DRC11: variants seen among roughly 807,000 people sequenced by gnomAD.
DRC11 encodes IQ and AAA domain-containing protein 1.
At chr2:236,401,083 C>A in the DRC11 span, among the ~76,000 whole-genome samples, 1 of 152,006 alleles carries the variant, frequency 6.6e-6, no homozygotes. This position sits in a 1 kb window ranked among gnomAD's most constrained non-coding sequence, Gnocchi z 4.6. Flanking sequence ...TCCTGGGAGG[C>A]ACCGTTCCCC....
the DRC11 span, chr2:236,392,428 G>A: frequency 0.048 from 35,436 of 732,262 alleles, 1,412 homozygotes; most frequent in African/African-American, 0.16. This position sits in a 1 kb window ranked among gnomAD's most constrained non-coding sequence, Gnocchi z 5.1. Context: ...TTAAAAAGAC[G>A]TAGGTTAATT....
chr2:236,366,833 T>A, the DRC11 span, among the ~76,000 whole-genome samples: 1 of 116,202 alleles, frequency 8.6e-6, no homozygotes, highest in Non-Finnish European at 2.0e-5. Context: ...TCTCTCTCTC[T>A]CTCTTTCTCT....
At chr2:236,397,556 G>T in the DRC11 span, among the ~76,000 whole-genome samples, 7 of 152,322 alleles carry the variant, frequency 4.6e-5, no homozygotes, top group South Asian at 1.4e-3. The surrounding 1 kb of genome is among the most constrained non-coding windows in gnomAD (Gnocchi z 5.0). Flanking sequence ...GGTGCTCTTC[G>T]GAAGAAAACA....
the DRC11 span, among the ~76,000 whole-genome samples, chr2:236,357,619 A>G: frequency 3.3e-5 from 4 of 121,624 alleles, no homozygotes; most frequent in South Asian, 4.8e-4. Flanking sequence ...ATTTATAAAT[A>G]TATAAATATG....
chr2:236,460,048 T>C, the DRC11 span, among the ~76,000 whole-genome samples: 1 of 152,218 alleles, frequency 6.6e-6, no homozygotes, highest in African/African-American at 2.4e-5. The surrounding 1 kb of genome is among the most constrained non-coding windows in gnomAD (Gnocchi z 4.0). Flanking sequence ...CCGTGTTTCA[T>C]GTTTCAAAAA....
the DRC11 span, among the ~76,000 whole-genome samples, chr2:236,318,978 G>T: frequency 6.6e-6 from 1 of 152,162 alleles, no homozygotes; most frequent in Non-Finnish European, 1.5e-5. The surrounding 1 kb of genome is among the most constrained non-coding windows in gnomAD (Gnocchi z 7.0). Context: ...GGACAGACGT[G>T]CAGGGCACCC....
the DRC11 span, among the ~76,000 whole-genome samples, chr2:236,310,127 C>G: frequency 2.0e-5 from 3 of 152,184 alleles, no homozygotes; most frequent in African/African-American, 7.2e-5. This position sits in a 1 kb window ranked among gnomAD's most constrained non-coding sequence, Gnocchi z 5.5. Context: ...CCTAGGAGGA[C>G]AGGCCCATGA....
chr2:236,488,196 A>G, the DRC11 span: 1 of 1,568,158 alleles, frequency 6.4e-7, no homozygotes, highest in Non-Finnish European at 8.6e-7. Flanking sequence ...GTATTTCTGC[A>G]AAAAACAGTC....
At chr2:236,423,642 G>A in the DRC11 span, among the ~76,000 whole-genome samples, 1 of 152,174 alleles carries the variant, frequency 6.6e-6, no homozygotes, top group African/African-American at 2.4e-5. Context: ...AGTCAGTGTG[G>A]CGATGCCTCA....
At chr2:236,381,231 G>A in the DRC11 span, among the ~76,000 whole-genome samples, 7 of 152,276 alleles carry the variant, frequency 4.6e-5, no homozygotes, top group East Asian at 1.9e-4. The surrounding 1 kb of genome is among the most constrained non-coding windows in gnomAD (Gnocchi z 5.8). Flanking sequence ...ACCAGACTTC[G>A]AGTCCGCTGG....
the DRC11 span, chr2:236,409,077 T>G: frequency 1.9e-6 from 1 of 518,392 alleles, no homozygotes; most frequent in Non-Finnish European, 3.5e-6. Context: ...TTGTGAGACA[T>G]CACGCCATCA....
chr2:236,422,843 C>A, the DRC11 span, among the ~76,000 whole-genome samples: 303 of 151,298 alleles, frequency 2.0e-3, 1 homozygote, highest in African/African-American at 7.1e-3. Context: ...GGTACTGGTA[C>A]CAAAACAGAG....
chr2:236,364,388 G>A, the DRC11 span, among the ~76,000 whole-genome samples: 380 of 150,582 alleles, frequency 2.5e-3, 3 homozygotes, highest in Non-Finnish European at 4.7e-3. Context: ...AGACATAGAC[G>A]ATAAGGTTGA....
At chr2:236,338,375 G>A in the DRC11 span, 1 of 1,608,144 alleles carries the variant, frequency 6.2e-7, no homozygotes, top group Non-Finnish European at 8.5e-7. Flanking sequence ...CAGGCGTTTA[G>A]GTTCATTCTG....
At chr2:236,486,378 T>C in the DRC11 span, among the ~76,000 whole-genome samples, 1 of 152,146 alleles carries the variant, frequency 6.6e-6, no homozygotes, top group African/African-American at 2.4e-5. The surrounding 1 kb of genome is among the most constrained non-coding windows in gnomAD (Gnocchi z 5.7). Context: ...CAAATTGGTG[T>C]TTTAAGCTAC....
chr2:236,358,010 AATAT>A, the DRC11 span, among the ~76,000 whole-genome samples: 2 of 110,680 alleles, frequency 1.8e-5, no homozygotes, highest in South Asian at 2.7e-4. Flanking sequence ...ATATATTTAT[AATAT>A]ATAGATATAA....
chr2:236,441,714 C>T, the DRC11 span, among the ~76,000 whole-genome samples: 1 of 152,146 alleles, frequency 6.6e-6, no homozygotes, highest in African/African-American at 2.4e-5. Context: ...TTGACTTTGA[C>T]ATGAATGTTA....
At chr2:236,358,436 TATAAATATACA>T in the DRC11 span, among the ~76,000 whole-genome samples, 8 of 137,532 alleles carry the variant, frequency 5.8e-5, no homozygotes, top group East Asian at 6.1e-4. Context: ...ATATATCATA[TATAAATATACA>T]TATAAAAAGT....
At chr2:236,395,059 A>G in the DRC11 span, among the ~76,000 whole-genome samples, 1 of 152,208 alleles carries the variant, frequency 6.6e-6, no homozygotes, top group Non-Finnish European at 1.5e-5. Context: ...CATAGGACCA[A>G]TGCACTTAGG....
Sources: gnomAD v4.1 joint callset for allele counts (sites outside exome capture counted in the v4.1 genomes callset) on GRCh38, gnomAD v4.1.1 for gene constraint, Gnocchi (gnomAD v3.1) non-coding constraint, MANE v1.5 for transcripts, NCBI Gene and HGNC (gene_info 2026-07-23, HGNC 2026-07-21) for gene names.